Variants in SLC25A21 observed in about 807,000 individuals in gnomAD.
SLC25A21 encodes solute carrier family 25 member 21.
A neutral mutation model predicts 43.8 loss-of-function variants in SLC25A21; 47 were observed. The observed-to-expected ratio is 1.07, with a 90% confidence interval of 0.85 to 1.37. The LOEUF (loss-of-function observed/expected upper bound fraction) is 1.37, where lower values mean the gene tolerates loss of function less well. Among genes scored for constraint, SLC25A21 ranks in the 40% most tolerant of loss-of-function variants. The pLI is 0.00. For synonymous variants in SLC25A21, 131 were observed against 121.3 expected (o/e 1.08, Z -0.52); for missense variants, 352 against 350.2 (o/e 1.00, Z -0.04).
intron 3 of SLC25A21, among the ~76,000 whole-genome samples, chr14:36,760,765 G>A (rs928691111): frequency 2.0e-5 from 3 of 152,236 alleles, no homozygotes; most frequent in Non-Finnish European, 2.9e-5. Context: ...GCCAGCGTGC[G>A]TGTTTAAGGG....
intron 1 of SLC25A21, among the ~76,000 whole-genome samples, chr14:36,977,940 C>CT (rs35382738): frequency 3.6e-4 from 46 of 128,124 alleles, no homozygotes; most frequent in Middle Eastern, 4.1e-3. Context: ...GATTACAAAG[C>CT]TTTTTTTTTT....
In SLC25A21 at chr14:37,050,875, A is replaced by C. The variant is rs189964940; in HGVS notation, c.70+121406T>G. On this transcript the variant is annotated intron_variant, in intron 1 of 9. Transcript: ENST00000331299. Reference sequence around the variant, plus strand: ...ATTTCAGTTTTCCTAACAACAACAAAAAAAAGCAGGTTTTCTACTTATGTG... The same window carrying C: ...ATTTCAGTTTTCCTAACAACAACAACAAAAAGCAGGTTTTCTACTTATGTG... 2.7e-3 allele frequency among the ~76,000 whole-genome samples: 409 copies of C among 152,340 alleles called. 1 individual carries two copies. The highest frequency in any genetic ancestry group is 9.1e-3 in the African/African-American group (378 of 41,570).
At chr14:36,831,596 G>A (rs982962703) in intron 2 of SLC25A21, among the ~76,000 whole-genome samples, 12 of 152,160 alleles carry the variant, frequency 7.9e-5, no homozygotes, top group Non-Finnish European at 1.5e-5. Context: ...TACAAATTCA[G>A]TTCTCCTCAT....
chr14:36,848,886 C>G (rs1889630347), intron 2 of SLC25A21, among the ~76,000 whole-genome samples: 1 of 152,100 alleles, frequency 6.6e-6, no homozygotes, highest in South Asian at 2.1e-4. Context: ...CTGTTTTGGT[C>G]TAAGTTTGGG....
rs982481960 is a variant in SLC25A21 at position 36,928,623 on chromosome 14, A to G, written c.71-53619T>C. ...GTGTATTGTAGACTCTCATTAATTCATAACAGCTTAAATTGTGATTTTTAT... is the reference window on the plus strand; with the variant it reads ...GTGTATTGTAGACTCTCATTAATTCGTAACAGCTTAAATTGTGATTTTTAT... On this transcript the variant is annotated intron_variant, in intron 1 of 9. Coordinates refer to ENST00000331299, the MANE Select transcript of SLC25A21 (RefSeq NM_030631.4). Among the ~76,000 whole-genome samples the G allele has an allele frequency of 2.6e-5, 4 of 152,298 alleles. No homozygotes were observed. In the East Asian group the frequency reaches 7.7e-4, roughly 29 times the overall value.
At chr14:36,979,556 A>G (rs1243345233) in intron 1 of SLC25A21, among the ~76,000 whole-genome samples, 3 of 152,132 alleles carry the variant, frequency 2.0e-5, no homozygotes, top group African/African-American at 4.8e-5. Flanking sequence ...GGGTTTTGCC[A>G]TATTGGCCAG....
At chr14:36,883,609 C>A (rs1300905533) in intron 1 of SLC25A21, among the ~76,000 whole-genome samples, 4 of 152,076 alleles carry the variant, frequency 2.6e-5, no homozygotes, top group Non-Finnish European at 4.4e-5. Context: ...GCACTAAGTA[C>A]CCAGAACATG....
Position 37,081,060 on chromosome 14 carries a change from T to C in SLC25A21, c.70+91221A>G, listed in dbSNP as rs557619545. Reference sequence around the variant, plus strand: ...AGATGCTATTAATCTGGAGAAATATTCTACCCATCCCCTGAATCTAATTTT... The same window carrying C: ...AGATGCTATTAATCTGGAGAAATATCCTACCCATCCCCTGAATCTAATTTT... On this transcript the variant is annotated intron_variant, in intron 1 of 9. Coordinates refer to ENST00000331299, the MANE Select transcript of SLC25A21 (RefSeq NM_030631.4). Among the ~76,000 whole-genome samples the C allele has an allele frequency of 2.0e-5, 3 of 152,308 alleles. No individual in the cohort carries two copies. In the South Asian group the frequency reaches 6.2e-4, roughly 32 times the overall value.
chr14:36,813,918 C>G lies in SLC25A21; in HGVS notation c.203G>C (p.Gly68Ala), dbSNP rs141677993. Reference protein sequence around the residue: ...DSFRMIFQMEGLFGFYKGILP... With the variant: ...DSFRMIFQMEALFGFYKGILP... ...ATGGCTATATGAAGAATATACATACCCTTCCATTTGGAAAATCATTCGAAA... is the reference window on the plus strand; with the variant it reads ...ATGGCTATATGAAGAATATACATACGCTTCCATTTGGAAAATCATTCGAAA... The change falls in exon 3 of 10, where the codon GGG becomes GCG. Residue 68 changes from glycine (G) to alanine (A), a missense_variant and splice_region_variant. Transcript: ENST00000331299. The G allele has an allele frequency of 1.5e-5, 24 of 1,576,742 alleles. No homozygotes were observed. The highest frequency in any genetic ancestry group is 1.8e-5 in the Non-Finnish European group (21 of 1,151,302).
chr14:36,732,265 G>A (rs575001415), intron 4 of SLC25A21, among the ~76,000 whole-genome samples: 1 of 151,832 alleles, frequency 6.6e-6, no homozygotes, highest in East Asian at 1.9e-4. Context: ...TAGGTATACT[G>A]TAGTGAACTA....
At chr14:37,016,346 T>C (rs1054684246) in intron 1 of SLC25A21, among the ~76,000 whole-genome samples, 6 of 152,168 alleles carry the variant, frequency 3.9e-5, no homozygotes, top group African/African-American at 1.4e-4. Context: ...AAAGATCACA[T>C]AGTTGTAGAT....
At chr14:36,821,380 G>T in intron 2 of SLC25A21, among the ~76,000 whole-genome samples, 1 of 152,132 alleles carries the variant, frequency 6.6e-6, no homozygotes, top group East Asian at 1.9e-4. Flanking sequence ...TGGGCAGGGT[G>T]GGGTGGGGGA....
intron 2 of SLC25A21, among the ~76,000 whole-genome samples, chr14:36,839,583 G>A (rs1436579933): frequency 1.3e-5 from 2 of 152,196 alleles, no homozygotes; most frequent in African/African-American, 2.4e-5. Flanking sequence ...CAGTCAAATG[G>A]AGACAAGTAC....
chr14:37,144,640 C>T (rs1198540822), intron 1 of SLC25A21, among the ~76,000 whole-genome samples: 1 of 151,880 alleles, frequency 6.6e-6, no homozygotes, highest in Non-Finnish European at 1.5e-5. Context: ...TTCTACTGCC[C>T]CAAATCAGTA....
rs551084186 is a variant in SLC25A21 at position 37,139,908 on chromosome 14, C to A, written c.70+32373G>T. ...GAGATGAATACGCATTAAAAATAAACCACAATGCTTAATCATCAAAGCAAT... is the reference window on the plus strand; with the variant it reads ...GAGATGAATACGCATTAAAAATAAAACACAATGCTTAATCATCAAAGCAAT... On this transcript the variant is annotated intron_variant, in intron 1 of 9. Coordinates refer to ENST00000331299, the MANE Select transcript of SLC25A21 (RefSeq NM_030631.4). Among the ~76,000 whole-genome samples, 22 of 152,284 alleles carry A rather than the reference C, an allele frequency of 1.4e-4. No homozygotes were observed. The South Asian group carries it at 4.6e-3, about 32-fold the overall frequency.
intron 1 of SLC25A21, among the ~76,000 whole-genome samples, chr14:36,994,019 C>A (rs1349496941): frequency 2.0e-5 from 3 of 152,072 alleles, no homozygotes; most frequent in African/African-American, 7.2e-5. Context: ...GATGAATGAG[C>A]TATATGCAAT....
intron 1 of SLC25A21, among the ~76,000 whole-genome samples, chr14:36,939,047 ATC>A (rs1892493745): frequency 6.6e-6 from 1 of 152,150 alleles, no homozygotes; most frequent in African/African-American, 2.4e-5. Context: ...TAAATTATAA[ATC>A]TGTTTGTAAT....
chr14:36,763,682 A>G (rs1886251302), intron 3 of SLC25A21, among the ~76,000 whole-genome samples: 1 of 152,026 alleles, frequency 6.6e-6, no homozygotes, highest in African/African-American at 2.4e-5. Context: ...CAGACACAGT[A>G]GAGCACACCG....
chr14:37,099,404 C>A (rs189155128), intron 1 of SLC25A21, among the ~76,000 whole-genome samples: 10 of 152,280 alleles, frequency 6.6e-5, no homozygotes, highest in Admixed American at 1.3e-4. Context: ...GTAATTTGTA[C>A]TTAACACATC....
Sources: gnomAD v4.1 joint callset for allele counts (sites outside exome capture counted in the v4.1 genomes callset) on GRCh38, gnomAD v4.1.1 for gene constraint, MANE v1.5 for transcripts, NCBI Gene and HGNC (gene_info 2026-07-23, HGNC 2026-07-21) for gene names.